Variants in ZMYND8 observed in about 807,000 individuals in gnomAD.
The protein encoded by ZMYND8 is zinc finger MYND-type containing 8.
Under a neutral mutation model 140.8 loss-of-function variants are expected in ZMYND8, and 37 were observed. The observed-to-expected ratio is 0.26, with a 90% CI of 0.20 to 0.35. The LOEUF (loss-of-function observed/expected upper bound fraction) is 0.35, where lower values mean the gene tolerates loss of function less well. ZMYND8 is among the 10% of genes least tolerant of loss of function. ZMYND8 has a pLI of 1.00. For synonymous variants in ZMYND8, 592 were observed against 597.1 expected, an observed-to-expected ratio of 0.99 and a Z score of 0.12; for missense variants, 1,068 against 1,570.0, an observed-to-expected ratio of 0.68 and a Z score of 5.40.
intron 18 of ZMYND8, among the ~76,000 whole-genome samples, chr20:47,224,925 A>G (rs550500740): frequency 6.6e-6 from 1 of 152,288 alleles, no homozygotes; most frequent in South Asian, 2.1e-4. Context: ...CCCCCTATCA[A>G]TCAAATACCT....
At chr20:47,355,432 A>G in intron 1 of ZMYND8, 3 of 985,186 alleles carry the variant, frequency 3.0e-6, no homozygotes, top group Non-Finnish European at 3.6e-6. Context: ...CACAGAGGAA[A>G]TGGATTGCTT....
Position 47,327,764 on chromosome 20 carries a change from G to A in ZMYND8, c.86-17560C>T, listed in dbSNP as rs113165354. On this transcript the variant is annotated intron_variant, in intron 2 of 22. Transcript: ENST00000471951. ...TAGAACTCCAGAATCCCTGTTTGCCGAGGTCTCCATTATTCTTAACTTTCA... is the reference window on the plus strand; with the variant it reads ...TAGAACTCCAGAATCCCTGTTTGCCAAGGTCTCCATTATTCTTAACTTTCA... Among the ~76,000 whole-genome samples the A allele has an allele frequency of 5.9e-3, 893 of 152,256 alleles. 9 individuals carry two copies. Among genetic ancestry groups the A allele is most frequent in the African/African-American group, 0.02 (841 of 41,544 alleles).
At chr20:47,262,167 T>C (rs1227046732) in intron 12 of ZMYND8, 121 bp downstream of exon 12, 2 of 1,397,874 alleles carry the variant, frequency 1.4e-6, no homozygotes, top group African/African-American at 2.9e-5. Context: ...TCTGAAACTT[T>C]TGCATTTTTT....
intron 19 of ZMYND8, among the ~76,000 whole-genome samples, chr20:47,222,335 A>G (rs2037095143): frequency 6.6e-6 from 1 of 152,192 alleles, no homozygotes; most frequent in African/African-American, 2.4e-5. Context: ...GGAGATCAAG[A>G]CCATACTGGC....
intron 9 of ZMYND8, 38 bp downstream of exon 9, chr20:47,283,533 G>A: frequency 1.2e-6 from 2 of 1,608,774 alleles, no homozygotes; most frequent in Non-Finnish European, 8.5e-7. Context: ...AAGGCACAGG[G>A]TTCAGTAAAT....
chr20:47,307,741 C>T (rs1395956331), intron 3 of ZMYND8, among the ~76,000 whole-genome samples: 1 of 152,012 alleles, frequency 6.6e-6, no homozygotes, highest in African/African-American at 2.4e-5. Context: ...ACACAAGAAT[C>T]TCTTGAACCT....
intron 6 of ZMYND8, among the ~76,000 whole-genome samples, chr20:47,290,700 C>T (rs1477728975): frequency 1.3e-5 from 2 of 150,244 alleles, no homozygotes; most frequent in African/African-American, 4.9e-5. Flanking sequence ...CAAGCAATTC[C>T]CCTGCCTCAG....
intron 8 of ZMYND8, among the ~76,000 whole-genome samples, 179 bp from the exon 9 acceptor site, chr20:47,283,827 G>A (rs545820023): frequency 2.0e-5 from 3 of 151,996 alleles, no homozygotes; most frequent in Non-Finnish European, 2.9e-5. Context: ...CCAAGCCACC[G>A]TCCTTTCTCT....
rs911440102 is a variant in ZMYND8, at chr20:47,238,993, C to T, written c.2430G>A (p.Pro810=). ...CTGGGCTTCCTGTGGCGGCGGGGGCCGGGGCCGTGACGGTGACCGTGGAGG... is the reference window on the plus strand; with the variant it reads ...CTGGGCTTCCTGTGGCGGCGGGGGCTGGGGCCGTGACGGTGACCGTGGAGG... ...STSSTVTVTA[P]APAATGSPVK... is the part of the protein sequence containing the mutation. The change falls in exon 15 of 23, where the codon CCG becomes CCA. Residue 810 remains proline, a synonymous_variant. Transcript: ENST00000471951. 6 of 1,609,316 alleles carry T rather than the reference C, an allele frequency of 3.7e-6. No homozygotes were observed. The highest frequency in any genetic ancestry group is 2.2e-5 in the East Asian group (1 of 44,780).
chr20:47,232,927 A>C (rs2038731070), intron 16 of ZMYND8, among the ~76,000 whole-genome samples: 1 of 143,438 alleles, frequency 7.0e-6, no homozygotes, highest in African/African-American at 2.7e-5. Flanking sequence ...TTTTTGAGAC[A>C]GAGGAGTTTC....
intron 3 of ZMYND8, among the ~76,000 whole-genome samples, chr20:47,307,048 C>A (rs1287616176): frequency 6.6e-6 from 1 of 152,088 alleles, no homozygotes; most frequent in Non-Finnish European, 1.5e-5. Context: ...TCCCAAATTT[C>A]TATGTTGATG....
At chr20:47,308,658 G>A (rs2148192227) in intron 3 of ZMYND8, among the ~76,000 whole-genome samples, 1 of 152,262 alleles carries the variant, frequency 6.6e-6, no homozygotes, top group Middle Eastern at 3.4e-3. Context: ...ACAACCCTGT[G>A]AAATTTGTGG....
chr20:47,210,764 G>A lies in ZMYND8; in HGVS notation c.3702C>T (p.Asp1234=). 6.2e-7 allele frequency: 1 copy of A among 1,614,118 alleles called. No homozygotes were observed. The highest frequency in any genetic ancestry group is 8.5e-7 in the Non-Finnish European group (1 of 1,180,036). The change falls in exon 23 of 23, where the codon GAC becomes GAT. Residue 1234 remains aspartate, a synonymous_variant. Coordinates refer to ENST00000471951, the MANE Select transcript of ZMYND8 (RefSeq NM_001281775.3). ...TGGTTTGTGTCCCGATTCACTGCTA[G>A]TCCCAGAAGGTGTCCAGCCGAGACT... The part of the protein sequence containing the change: ...PKESRLDTFW[D]
chr20:47,257,863 T>G (rs1197304502), intron 12 of ZMYND8, among the ~76,000 whole-genome samples: 3 of 152,136 alleles, frequency 2.0e-5, no homozygotes, highest in South Asian at 2.1e-4. Flanking sequence ...TGGGGTTTTG[T>G]TTTTGTTTTT....
At chr20:47,312,463 A>G (rs1238435249) in intron 2 of ZMYND8, among the ~76,000 whole-genome samples, 1 of 152,174 alleles carries the variant, frequency 6.6e-6, no homozygotes, top group East Asian at 1.9e-4. Flanking sequence ...CTTGAGGGTG[A>G]ACAGACCTGA....
Position 47,246,376 on chromosome 20 carries a change from T to A in ZMYND8, c.1916A>T (p.Asp639Val), listed in dbSNP as rs771147167. 3 of 1,614,094 alleles carry A rather than the reference T, an allele frequency of 1.9e-6. No individual in the cohort carries two copies. Residue 639 changes from aspartate to valine, a missense_variant, in exon 14 of 23, where the codon GAC becomes GTC. Transcript: ENST00000471951. ...TTTGTCCATCTGACAACCTTCTTTG[T>A]CCTCTGTGTCTTCTGGCTCGTTCTT... is the stretch of plus-strand genomic sequence containing the variant. ...KSKNEPEDTE[D>V]KEGCQMDKEP...
chr20:47,211,757 G>C (rs1029305393), intron 22 of ZMYND8, among the ~76,000 whole-genome samples: 6 of 152,172 alleles, frequency 3.9e-5, no homozygotes, highest in African/African-American at 1.4e-4. Flanking sequence ...AATTTCTTAA[G>C]GTGGGTGATA....
At chr20:47,302,822 G>A (rs1488169980) in intron 3 of ZMYND8, among the ~76,000 whole-genome samples, 1 of 152,154 alleles carries the variant, frequency 6.6e-6, no homozygotes, top group African/African-American at 2.4e-5. Context: ...CAAAGCTAGA[G>A]GGGAAAAAAC....
chr20:47,257,102 CA>C (rs1177078772), intron 12 of ZMYND8, among the ~76,000 whole-genome samples: 16 of 152,150 alleles, frequency 1.1e-4, no homozygotes, highest in Admixed American at 4.6e-4. Flanking sequence ...CTGAGTCATA[CA>C]GGGGGCTCGT....
Sources: gnomAD v4.1 joint callset for allele counts (sites outside exome capture counted in the v4.1 genomes callset) on GRCh38, gnomAD v4.1.1 for gene constraint, MANE v1.5 for transcripts, NCBI Gene and HGNC (gene_info 2026-07-23, HGNC 2026-07-21) for gene names.